NWD2: variants seen among roughly 807,000 people sequenced by gnomAD.
NWD2 encodes NACHT and WD repeat domain containing 2.
In NWD2, 37 loss-of-function variants were observed where a neutral mutation model predicts 132.7. That is an observed-to-expected ratio of 0.28 (90% CI 0.21 to 0.37). The LOEUF is 0.37. Ranked by LOEUF, NWD2 falls within the 10% of genes least tolerant of loss-of-function variation. The probability of loss-of-function intolerance (pLI) is 1.00; values close to 1 mark genes in which losing one functional copy is unlikely to be tolerated. For missense variants in NWD2, 1,592 were observed against 2,122.4 expected, an observed-to-expected ratio of 0.75 and a Z score of 4.91; for synonymous variants, 705 against 803.0, an observed-to-expected ratio of 0.88 and a Z score of 2.06.
chr4:37,395,387 A>C (rs1478385126), intron 3 of NWD2, among the ~76,000 whole-genome samples: 1 of 151,586 alleles, frequency 6.6e-6, no homozygotes, highest in Admixed American at 6.6e-5. Context: ...GCTTTGCTGA[A>C]TTCCTTCCCA....
intron 3 of NWD2, among the ~76,000 whole-genome samples, chr4:37,418,443 C>T (rs992519773): frequency 6.6e-6 from 1 of 151,990 alleles, no homozygotes; most frequent in Non-Finnish European, 1.5e-5. Flanking sequence ...TAAATGTGGG[C>T]TACACATAAT....
intron 2 of NWD2, among the ~76,000 whole-genome samples, chr4:37,328,551 A>G (rs1719223427): frequency 6.6e-6 from 1 of 152,156 alleles, no homozygotes; most frequent in African/African-American, 2.4e-5. Context: ...AGCTTCATTC[A>G]TGTCCCTGCA....
intron 3 of NWD2, among the ~76,000 whole-genome samples, chr4:37,416,235 C>T (rs758141013): frequency 2.6e-5 from 4 of 152,094 alleles, no homozygotes; most frequent in South Asian, 2.1e-4. Context: ...GATCCACAGG[C>T]GCCAAAACAG....
chr4:37,303,811 A>G (rs1577661277), intron 1 of NWD2, among the ~76,000 whole-genome samples: 2 of 152,136 alleles, frequency 1.3e-5, no homozygotes, highest in East Asian at 3.8e-4. Flanking sequence ...TTGGTTTATC[A>G]ATTTTAAGAG....
chr4:37,361,596 A>G (rs1719982852), intron 3 of NWD2, among the ~76,000 whole-genome samples: 1 of 152,166 alleles, frequency 6.6e-6, no homozygotes, highest in African/African-American at 2.4e-5. Flanking sequence ...GATCATCTCC[A>G]TAGACATGGA....
chr4:37,406,551 T>A (rs368510133), intron 3 of NWD2, among the ~76,000 whole-genome samples: 1 of 152,114 alleles, frequency 6.6e-6, no homozygotes. Flanking sequence ...CAAATGCCCA[T>A]GAATGATAGA....
intron 1 of NWD2, among the ~76,000 whole-genome samples, chr4:37,313,896 C>T (rs1353910659): frequency 6.6e-6 from 1 of 151,006 alleles, no homozygotes; most frequent in Non-Finnish European, 1.5e-5. Context: ...CAGGATTTCA[C>T]CATGTTGGCC....
intron 3 of NWD2, 146 bp downstream of exon 3, chr4:37,356,628 T>C (rs1719876451): frequency 1.7e-6 from 1 of 595,838 alleles, no homozygotes; most frequent in Admixed American, 2.9e-5. Context: ...GTCTCCTGGC[T>C]CTCAATGTAT....
At chr4:37,397,733 C>T (rs373547312) in intron 3 of NWD2, among the ~76,000 whole-genome samples, 3 of 152,092 alleles carry the variant, frequency 2.0e-5, no homozygotes, top group Non-Finnish European at 2.9e-5. Context: ...GGAAATTTCT[C>T]GCCAGTACCC....
intron 3 of NWD2, among the ~76,000 whole-genome samples, chr4:37,422,101 A>G (rs1711834122): frequency 1.3e-5 from 2 of 152,206 alleles, no homozygotes; most frequent in African/African-American, 2.4e-5. Context: ...ATGGGTAGTT[A>G]GGGCTTCAAC....
intron 4 of NWD2, among the ~76,000 whole-genome samples, chr4:37,432,400 G>T (rs1465334210): frequency 6.7e-6 from 1 of 149,702 alleles, no homozygotes. Flanking sequence ...AATTGATCAC[G>T]TGAAACTGAT....
At chr4:37,329,604 G>T (rs1719248623) in intron 2 of NWD2, among the ~76,000 whole-genome samples, 1 of 146,850 alleles carries the variant, frequency 6.8e-6, no homozygotes, top group African/African-American at 2.5e-5. Context: ...AACAGAGTGA[G>T]ACCCTGTCTC....
chr4:37,264,657 A>G (rs2109260600), intron 1 of NWD2, among the ~76,000 whole-genome samples: 1 of 152,328 alleles, frequency 6.6e-6, no homozygotes, highest in Non-Finnish European at 1.5e-5. Flanking sequence ...TCAAAAGTTC[A>G]AAAGTAAAAT....
chr4:37,314,228 T>C (rs1718913044), intron 1 of NWD2, among the ~76,000 whole-genome samples: 1 of 152,204 alleles, frequency 6.6e-6, no homozygotes, highest in Non-Finnish European at 1.5e-5. Flanking sequence ...ATATTCATGA[T>C]GGATATATTG....
chr4:37,445,900 T>A lies in NWD2; in HGVS notation c.3912T>A (p.Asp1304Glu). The A allele has an allele frequency of 1.3e-6, 2 of 1,551,884 alleles. No homozygotes were observed. Residue 1304 changes from aspartate (D) to glutamate (E), a missense_variant, in exon 7 of 7, where the codon GAT becomes GAA. By Grantham distance (45) the Asp-to-Glu change is conservative. Transcript: ENST00000309447. The surrounding 1 kb of genome is among the most constrained non-coding windows in gnomAD (Gnocchi z 4.7). ...GTGTTCTTTCCATTTGGGACATAGA[T>A]ATAATCACAGCTATGTCCAACATAG... Reference protein sequence around the residue: ...TSGVLSIWDIDIITAMSNIDK... With the variant: ...TSGVLSIWDIEIITAMSNIDK...
At chr4:37,344,440 T>G (rs1337971925) in intron 2 of NWD2, among the ~76,000 whole-genome samples, 1 of 152,118 alleles carries the variant, frequency 6.6e-6, no homozygotes, top group African/African-American at 2.4e-5. Flanking sequence ...ACAAAGTTAC[T>G]GAAGTAAGAA....
intron 3 of NWD2, among the ~76,000 whole-genome samples, chr4:37,384,202 G>A (rs987742591): frequency 1.3e-5 from 2 of 152,202 alleles, no homozygotes; most frequent in African/African-American, 4.8e-5. Flanking sequence ...TGTCTTCTAA[G>A]ATGTCAGCCT....
intron 4 of NWD2, among the ~76,000 whole-genome samples, chr4:37,431,757 C>G (rs1036562215): frequency 2.0e-5 from 3 of 152,132 alleles, no homozygotes; most frequent in African/African-American, 7.2e-5. Flanking sequence ...ATGAAAAAAA[C>G]TAAATCCAAA....
intron 3 of NWD2, among the ~76,000 whole-genome samples, chr4:37,391,850 T>C (rs2109312066): frequency 6.7e-6 from 1 of 149,524 alleles, no homozygotes; most frequent in South Asian, 2.1e-4. Context: ...ATTTAAGAGA[T>C]AATGAAGAAT....
Sources: gnomAD v4.1 joint callset for allele counts (sites outside exome capture counted in the v4.1 genomes callset) on GRCh38, gnomAD v4.1.1 for gene constraint, Gnocchi (gnomAD v3.1) non-coding constraint, MANE v1.5 for transcripts, NCBI Gene and HGNC (gene_info 2026-07-23, HGNC 2026-07-21) for gene names.